Variants in MED12L observed in about 807,000 individuals in gnomAD.
MED12L encodes the protein mediator complex subunit 12L.
In MED12L, 60 loss-of-function variants were observed where a neutral mutation model predicts 281.3. That is an observed-to-expected ratio of 0.21 (90% CI 0.17 to 0.26). The LOEUF (loss-of-function observed/expected upper bound fraction) is 0.26. Ranked by LOEUF, MED12L falls within the 10% of genes least tolerant of loss-of-function variation. The probability of loss-of-function intolerance (pLI) is 1.00; values close to 1 mark genes in which losing one functional copy is unlikely to be tolerated. For missense variants in MED12L, 2,146 were observed against 2,680.9 expected, an observed-to-expected ratio of 0.80 and a Z score of 4.41; for synonymous variants, 974 against 987.2, an observed-to-expected ratio of 0.99 and a Z score of 0.25.
At chr3:151,144,599 T>C (rs929764906) in intron 5 of MED12L, among the ~76,000 whole-genome samples, 4 of 152,224 alleles carry the variant, frequency 2.6e-5, no homozygotes, top group African/African-American at 9.6e-5. Context: ...ATTGACTACC[T>C]GACACACAAC....
chr3:151,150,250 TTG>T (rs1718275370), intron 5 of MED12L, among the ~76,000 whole-genome samples: 1 of 152,238 alleles, frequency 6.6e-6, no homozygotes, highest in African/African-American at 2.4e-5. Context: ...AGAATGGATG[TTG>T]TGTTAACAGG....
chr3:151,322,986 A>G (rs1267548613), intron 16 of MED12L, among the ~76,000 whole-genome samples: 2 of 152,180 alleles, frequency 1.3e-5, no homozygotes, highest in East Asian at 3.9e-4. Context: ...GATACCTCAA[A>G]TGGAACATAC....
intron 16 of MED12L, chr3:151,338,785 A>C (rs751346386): frequency 1.2e-6 from 2 of 1,613,954 alleles, no homozygotes; most frequent in Admixed American, 3.3e-5. Context: ...GTGATTTTGT[A>C]GTCTCTGGTG....
intron 17 of MED12L, among the ~76,000 whole-genome samples, chr3:151,352,996 T>G (rs1224199995): frequency 2.0e-5 from 3 of 152,208 alleles, no homozygotes; most frequent in Non-Finnish European, 4.4e-5. Context: ...AGTATTTCGT[T>G]GAGAATCACC....
chr3:151,411,634 T>G, intron 41 of MED12L, 127 bp downstream of exon 41: 1 of 806,402 alleles, frequency 1.2e-6, no homozygotes, highest in Non-Finnish European at 2.0e-6. Flanking sequence ...TAATTTGCAT[T>G]CTGTCATCTC....
At chr3:151,386,055 C>T (rs143214121) in intron 36 of MED12L, among the ~76,000 whole-genome samples, 7 of 152,084 alleles carry the variant, frequency 4.6e-5, no homozygotes, top group East Asian at 1.9e-4. Flanking sequence ...AAAATTGACA[C>T]GAGTCATTTT....
chr3:151,154,605 G>A (rs954131925), intron 5 of MED12L, among the ~76,000 whole-genome samples: 2 of 152,210 alleles, frequency 1.3e-5, no homozygotes, highest in Non-Finnish European at 2.9e-5. Context: ...AAAATATTCA[G>A]TGGGGATATT....
chr3:151,324,044 A>C (rs956998731), intron 16 of MED12L, among the ~76,000 whole-genome samples: 1 of 152,186 alleles, frequency 6.6e-6, no homozygotes, highest in Non-Finnish European at 1.5e-5. Flanking sequence ...TGACCAGAGC[A>C]GTTGAGGTGC....
intron 16 of MED12L, among the ~76,000 whole-genome samples, chr3:151,265,724 G>A (rs935060180): frequency 9.9e-5 from 15 of 152,066 alleles, no homozygotes; most frequent in African/African-American, 3.6e-4. Flanking sequence ...GGAGACGGAT[G>A]GTGTCCCCAT....
In MED12L at chr3:151,378,069, T is replaced by C. The variant is rs760674719; in HGVS notation, c.4374T>C (p.Thr1458=). 6.2e-7 allele frequency: 1 copy of C among 1,610,552 alleles called. No individual in the cohort carries two copies. The highest frequency in any genetic ancestry group is 8.5e-7 in the Non-Finnish European group (1 of 1,177,924). The part of the protein sequence containing the change: ...LVAPLIARLP[T]SVQGRVLKAA... ...CCCCCCTCATCGCCAGGTTGCCAAC[T>C]TCTGTGCAAGGAAGAGTGCTGAAAG... Residue 1458 remains threonine (T), a synonymous_variant, in exon 31 of 45, where the codon ACT becomes ACC. Coordinates refer to ENST00000687756, the MANE Select transcript of MED12L (RefSeq NM_001393769.1).
chr3:151,087,048 C>T lies in MED12L; in HGVS notation c.99+23C>T, dbSNP rs144250947. 17 of 1,580,126 alleles carry T rather than the reference C, an allele frequency of 1.1e-5. No individual in the cohort carries two copies. The South Asian group carries it at 1.4e-4, about 13-fold the overall frequency. ...GAGGTAAGGGCGCCGGCGGCCTCCC[C>T]GGCAACCGGGGCCGCGCTCTGCAGC... On this transcript the variant is annotated intron_variant, in intron 2 of 44. Coordinates refer to ENST00000687756, the MANE Select transcript of MED12L (RefSeq NM_001393769.1).
At chr3:151,412,414 A>G (rs964338871) in intron 41 of MED12L, among the ~76,000 whole-genome samples, 4 of 152,222 alleles carry the variant, frequency 2.6e-5, no homozygotes, top group Admixed American at 6.5e-5. Context: ...CATTGCAGCC[A>G]TCATAGAAAG....
intron 37 of MED12L, 107 bp downstream of exon 37, chr3:151,388,279 T>C: frequency 1.4e-6 from 2 of 1,383,576 alleles, no homozygotes; most frequent in South Asian, 2.9e-5. Flanking sequence ...GGATAAGTTT[T>C]GTTATGACAG....
chr3:151,280,399 AC>A (rs1742621257), intron 16 of MED12L, among the ~76,000 whole-genome samples: 1 of 152,188 alleles, frequency 6.6e-6, no homozygotes, highest in Non-Finnish European at 1.5e-5. Context: ...AGGTCTGTCT[AC>A]TACTTCTTCC....
intron 39 of MED12L, among the ~76,000 whole-genome samples, chr3:151,405,348 T>G (rs1434620939): frequency 1.3e-5 from 2 of 152,188 alleles, no homozygotes; most frequent in Non-Finnish European, 2.9e-5. Flanking sequence ...TGTAGATCAT[T>G]CCCTTTGCAC....
At chr3:151,287,698 G>T (rs890675138) in intron 16 of MED12L, among the ~76,000 whole-genome samples, 21 of 152,200 alleles carry the variant, frequency 1.4e-4, no homozygotes, top group African/African-American at 5.1e-4. Context: ...TTCTTGTGGC[G>T]ATTTAAAGGT....
intron 43 of MED12L, among the ~76,000 whole-genome samples, chr3:151,427,406 AAC>A (rs1380648678): frequency 1.3e-5 from 2 of 152,120 alleles, no homozygotes; most frequent in African/African-American, 4.8e-5. Flanking sequence ...TGAACTCCCC[AAC>A]ACACACACGC....
At chr3:151,387,717 A>G (rs1160867599) in intron 36 of MED12L, 93 bp from the exon 37 acceptor site, 14 of 1,469,850 alleles carry the variant, frequency 9.5e-6, no homozygotes, top group South Asian at 1.4e-5. Flanking sequence ...CATGCCAGCC[A>G]AAGTGTTCTC....
intron 17 of MED12L, among the ~76,000 whole-genome samples, chr3:151,353,575 G>C (rs1305240909): frequency 6.6e-6 from 1 of 152,234 alleles, no homozygotes. Context: ...AAAAGAACCA[G>C]CCTTGTGGTG....
Sources: gnomAD v4.1 joint callset for allele counts (sites outside exome capture counted in the v4.1 genomes callset) on GRCh38, gnomAD v4.1.1 for gene constraint, MANE v1.5 for transcripts, NCBI Gene and HGNC (gene_info 2026-07-23, HGNC 2026-07-21) for gene names.